Variants in SAMD5 observed in about 807,000 individuals in gnomAD.
SAMD5 encodes the protein sterile alpha motif domain containing 5, also known as sterile alpha motif domain-containing protein 5.
SAMD5 carries 13 observed loss-of-function variants against 11.3 expected under a neutral mutation model. That is an observed-to-expected ratio of 1.15 (90% confidence interval 0.75 to 1.83). The LOEUF is 1.83. Among genes scored for constraint, SAMD5 ranks in the 40% most tolerant of loss-of-function variants. SAMD5 has a pLI of 0.00. For missense variants in SAMD5, 255 were observed against 239.1 expected (o/e 1.07, Z -0.44); for synonymous variants, 129 against 111.3 (o/e 1.16, Z -1.00).
the SAMD5 span, among the ~76,000 whole-genome samples, chr6:147,787,950 C>T: frequency 5.9e-5 from 9 of 152,176 alleles, no homozygotes; most frequent in African/African-American, 1.9e-4. Context: ...CAAAGGAGAA[C>T]ATATTTGGCT....
At chr6:147,752,245 A>G in the SAMD5 span, among the ~76,000 whole-genome samples, 1 of 152,204 alleles carries the variant, frequency 6.6e-6, no homozygotes, top group Non-Finnish European at 1.5e-5. Context: ...GCCTTTAAAA[A>G]TAAACTGTTG....
At chr6:147,807,676 C>A in the SAMD5 span, among the ~76,000 whole-genome samples, 1 of 152,154 alleles carries the variant, frequency 6.6e-6, no homozygotes, top group Admixed American at 6.5e-5. Flanking sequence ...AATTGTCCAT[C>A]GTCCTTATGT....
chr6:147,873,324 C>A, the SAMD5 span, among the ~76,000 whole-genome samples: 1 of 151,688 alleles, frequency 6.6e-6, no homozygotes, highest in Non-Finnish European at 1.5e-5. Context: ...TTGTAGTGAG[C>A]CAAGATCGCG....
chr6:147,871,102 A>G, the SAMD5 span, among the ~76,000 whole-genome samples: 1 of 152,134 alleles, frequency 6.6e-6, no homozygotes, highest in African/African-American at 2.4e-5. Flanking sequence ...AAACAATAAG[A>G]CCCTTGTACA....
At chr6:147,822,169 A>G in the SAMD5 span, among the ~76,000 whole-genome samples, 7 of 152,210 alleles carry the variant, frequency 4.6e-5, no homozygotes, top group Admixed American at 3.9e-4. Flanking sequence ...GTTGGCACTA[A>G]CAACATTATT....
the SAMD5 span, chr6:147,954,068 C>G: frequency 1.3e-5 from 2 of 152,094 alleles, no homozygotes; most frequent in African/African-American, 4.8e-5. Context: ...CAGAATGGGC[C>G]GTAACATAAC....
At chr6:147,766,387 C>A in the SAMD5 span, among the ~76,000 whole-genome samples, 1,042 of 152,216 alleles carry the variant, frequency 6.8e-3, 11 homozygotes, top group African/African-American at 0.024. Context: ...ACTAACCCAA[C>A]ACATCACAAC....
Position 147,508,938 on chromosome 6 carries a change from A to C in SAMD5, c.10A>C (p.Asn4His). Residue 4 changes from asparagine (N) to histidine (H), a missense_variant, in exon 1 of 2, where the codon AAC (asparagine) becomes CAC (histidine). Coordinates refer to ENST00000367474, the MANE Select transcript of SAMD5 (RefSeq NM_001030060.3). ...GGTTCCCGGTCCCACCATGTGCACC[A>C]ACATAGTTTACGAGTGGCTCAAAGC... MCT[N>H]IVYEWLKALQ... 6.3e-7 allele frequency: 1 copy of C among 1,593,960 alleles called. No homozygotes were observed. The highest frequency in any genetic ancestry group is 8.5e-7 in the Non-Finnish European group (1 of 1,170,964).
chr6:147,813,649 A>G, the SAMD5 span, among the ~76,000 whole-genome samples: 1 of 152,204 alleles, frequency 6.6e-6, no homozygotes, highest in African/African-American at 2.4e-5. Flanking sequence ...GCTTTAGCCA[A>G]ATTAAGGTCT....
intron 1 of SAMD5, among the ~76,000 whole-genome samples, chr6:147,601,483 TA>T (rs5880715): frequency 1.5e-4 from 23 of 150,226 alleles, no homozygotes; most frequent in East Asian, 3.9e-4. Context: ...ACTTGTGATT[TA>T]AAAAAAAAAT....
intron 1 of SAMD5, among the ~76,000 whole-genome samples, chr6:147,591,977 G>A (rs546883142): frequency 2.6e-5 from 4 of 152,092 alleles, no homozygotes; most frequent in African/African-American, 9.6e-5. Context: ...AGATAGCCAC[G>A]GGAGCATTAG....
chr6:147,547,461 G>T, intron 1 of SAMD5, among the ~76,000 whole-genome samples: 1 of 111,812 alleles, frequency 8.9e-6, no homozygotes, highest in Non-Finnish European at 1.8e-5. Context: ...TGCTTTGCTG[G>T]CTGTTAGCCA....
At chr6:147,902,303 G>C in the SAMD5 span, among the ~76,000 whole-genome samples, 19,930 of 151,900 alleles carry the variant, frequency 0.13, 1,624 homozygotes, top group East Asian at 0.33. Context: ...GGTTTTAACT[G>C]TTCCTAAGGC....
At chr6:147,653,826 G>C (rs1790528023) in intron 1 of SAMD5, among the ~76,000 whole-genome samples, 1 of 152,084 alleles carries the variant, frequency 6.6e-6, no homozygotes, top group African/African-American at 2.4e-5. Context: ...CTGTTAATTG[G>C]TGAGCTCTTT....
At chr6:147,888,609 A>G in the SAMD5 span, among the ~76,000 whole-genome samples, 112 of 152,178 alleles carry the variant, frequency 7.4e-4, no homozygotes, top group African/African-American at 2.5e-3. Context: ...TTGGCCAGCC[A>G]CTGTGGCTCA....
At chr6:147,576,368 T>G (rs1789217230) in intron 1 of SAMD5, among the ~76,000 whole-genome samples, 1 of 152,188 alleles carries the variant, frequency 6.6e-6, no homozygotes, top group East Asian at 1.9e-4. Flanking sequence ...CTCGAACTCC[T>G]GACCTCAGGT....
chr6:147,851,007 C>T, the SAMD5 span, among the ~76,000 whole-genome samples: 3 of 146,306 alleles, frequency 2.1e-5, no homozygotes, highest in Non-Finnish European at 3.0e-5. Flanking sequence ...AGTGCAGTGG[C>T]GTGATCTTGG....
the SAMD5 span, among the ~76,000 whole-genome samples, chr6:147,868,226 G>T: frequency 1.3e-5 from 2 of 152,106 alleles, no homozygotes; most frequent in Non-Finnish European, 2.9e-5. Flanking sequence ...CTTTTAGATG[G>T]CTTCTTGGGT....
At chr6:147,708,315 GCTGTTCCTTC>G (rs528666065) in intron 1 of SAMD5, among the ~76,000 whole-genome samples, 127 of 152,326 alleles carry the variant, frequency 8.3e-4, no homozygotes, top group Non-Finnish European at 1.6e-3. Context: ...GAGGCCTGGA[GCTGTTCCTTC>G]CCTCACAACC....
Sources: allele counts gnomAD v4.1 joint callset (sites outside exome capture counted in the v4.1 genomes callset), GRCh38; gene constraint gnomAD v4.1.1; transcripts MANE v1.5; gene names NCBI Gene and HGNC (gene_info 2026-07-23, HGNC 2026-07-21).